The following VMA21 variants were observed in gnomAD, a reference collection of about 807,000 sequenced individuals.
VMA21 encodes vacuolar ATPase assembly factor VMA21.
For synonymous variants in VMA21, 47 were observed against 34.1 expected, an observed-to-expected ratio of 1.38 and a Z score of -1.32; for missense variants, 61 against 80.6, an observed-to-expected ratio of 0.76 and a Z score of 0.93.
chrX:151,398,311 A>T (rs1270847095), intron 1 of VMA21, among the ~76,000 whole-genome samples: 1 of 83,788 alleles, frequency 1.2e-5, no homozygotes, highest in Non-Finnish European at 2.8e-5. Flanking sequence ...TAAGCATAGT[A>T]CCCGATAGGC....
At chrX:151,404,161 C>T (rs886607598) in intron 2 of VMA21, among the ~76,000 whole-genome samples, 14 of 109,530 alleles carry the variant, frequency 1.3e-4, no homozygotes, top group Admixed American at 1.2e-3. Context: ...GCAACCCCCG[C>T]CTCCCATGTT....
rs2011287784 is a variant in VMA21, at chrX:151,405,996, A to T, written c.*938A>T. On this transcript the variant is annotated 3_prime_UTR_variant, in exon 3 of 3. Coordinates refer to ENST00000330374, the MANE Select transcript of VMA21 (RefSeq NM_001017980.4). Reference sequence around the variant, plus strand: ...TCTCCTTGGGCATATCTGATGGAAAAAAACCTTGATTTTATTTTCGTATCT... The same window carrying T: ...TCTCCTTGGGCATATCTGATGGAAATAAACCTTGATTTTATTTTCGTATCT... 1 of 111,625 alleles carries T rather than the reference A, an allele frequency of 9.0e-6. No individual in the cohort carries two copies. Among genetic ancestry groups the T allele is most frequent in the Non-Finnish European group, 1.9e-5 (1 of 53,143 alleles). The allele number at this position is 111,625 out of a possible 1,213,427, so 9.2% of individuals were successfully genotyped here. A position where few individuals can be genotyped will look rare whatever the true frequency, so the allele number is the denominator to read the frequency against.
rs1315895440 is a variant in VMA21 at position 151,405,303 on chromosome X, G to T, written c.*245G>T. The T allele has an allele frequency of 6.1e-6, 2 of 327,925 alleles. No homozygotes were observed. Among genetic ancestry groups the T allele is most frequent in the Non-Finnish European group, 1.1e-5 (2 of 189,847 alleles). The allele number at this position is 327,925 out of a possible 1,213,427, so 27.0% of individuals were successfully genotyped here. ...ACAAAGAAATATGTTAATTTAATTA[G>T]ACAATACTCTGGAAGGAATTTTATC... is the stretch of plus-strand genomic sequence containing the variant. On this transcript the variant is annotated 3_prime_UTR_variant, in exon 3 of 3. Transcript: ENST00000330374.
chrX:151,400,284 A>G (rs1271644195), intron 1 of VMA21, among the ~76,000 whole-genome samples: 1 of 95,568 alleles, frequency 1.0e-5, no homozygotes, highest in African/African-American at 4.0e-5. Flanking sequence ...TTTTTTAAAG[A>G]TTCCACATAT....
rs192225809 is a variant in VMA21, at chrX:151,404,223, G to A, written c.163+483G>A. Among the ~76,000 whole-genome samples the A allele has an allele frequency of 3.4e-3, 371 of 110,656 alleles. 14 individuals carry two copies. In the East Asian group the frequency reaches 0.052, roughly 16 times the overall value. ...TGAGTATCTGGGATTACAGGCACCC[G>A]CCACTACACCCGACTGATTTTTGGT... On this transcript the variant is annotated intron_variant, in intron 2 of 2. Coordinates refer to ENST00000330374, the MANE Select transcript of VMA21 (RefSeq NM_001017980.4).
intron 1 of VMA21, among the ~76,000 whole-genome samples, chrX:151,400,972 C>A (rs1356727744): frequency 8.9e-6 from 1 of 111,993 alleles, no homozygotes; most frequent in Non-Finnish European, 1.9e-5. Context: ...AATATGTTTT[C>A]CTAGTCTGTA....
At chrX:151,403,841 C>T (rs2011258615) in intron 2 of VMA21, 101 bp downstream of exon 2, 1 of 589,381 alleles carries the variant, frequency 1.7e-6, no homozygotes, top group Non-Finnish European at 2.8e-6. Flanking sequence ...TTATTTTTTT[C>T]TTGTTTAGCT....
At chrX:151,398,758 G>A (rs980171042) in intron 1 of VMA21, among the ~76,000 whole-genome samples, 7 of 112,205 alleles carry the variant, frequency 6.2e-5, no homozygotes, top group African/African-American at 2.3e-4. Flanking sequence ...CTACAAAAGG[G>A]AATGTGGTAG....
chrX:151,396,955 G>C, upstream of VMA21: 1 of 524,244 alleles, frequency 1.9e-6, no homozygotes. Context: ...ACCATGTTGC[G>C]CGGCAAGTCC....
At chrX:151,401,958 C>T (rs1316521082) in intron 1 of VMA21, among the ~76,000 whole-genome samples, 2 of 110,301 alleles carry the variant, frequency 1.8e-5, no homozygotes, top group Non-Finnish European at 1.9e-5. Flanking sequence ...GCTGTGTTAC[C>T]TAGGCTTGCG....
chrX:151,399,144 C>CT (rs1289018606), intron 1 of VMA21, among the ~76,000 whole-genome samples: 1 of 111,674 alleles, frequency 9.0e-6, no homozygotes, highest in Non-Finnish European at 1.9e-5. Flanking sequence ...TGCTTAGTCC[C>CT]ATATTAGTGA....
At chrX:151,397,045 G>T (rs778665256), upstream of VMA21, 3 of 497,198 alleles carry the variant, frequency 6.0e-6, no homozygotes, top group South Asian at 5.2e-5. Context: ...CGCACGCCGC[G>T]GAGCCACCGC....
In VMA21 at chrX:151,407,714, C is replaced by T. The variant is rs2011308810; in HGVS notation, c.*2656C>T. On this transcript the variant is annotated 3_prime_UTR_variant, in exon 3 of 3. Transcript: ENST00000330374. ...TTTGTGTTGAGAAATGAAAAGTCTG[C>T]TGTAGAATGTATCTGATGTCATTAG... 1.8e-5 allele frequency: 2 copies of T among 111,465 alleles called. No individual in the cohort carries two copies. The highest frequency in any genetic ancestry group is 6.5e-5 in the African/African-American group (2 of 30,545). The allele number at this position is 111,465 out of a possible 1,213,427, so 9.2% of individuals were successfully genotyped here.
chrX:151,398,712 T>C (rs2011214229), intron 1 of VMA21, among the ~76,000 whole-genome samples: 1 of 112,092 alleles, frequency 8.9e-6, no homozygotes, highest in African/African-American at 3.3e-5. Flanking sequence ...AGTGAAATCT[T>C]GACTGTGGGA....
At chrX:151,401,910 C>T (rs187717992) in intron 1 of VMA21, among the ~76,000 whole-genome samples, 9 of 110,462 alleles carry the variant, frequency 8.1e-5, no homozygotes, top group African/African-American at 2.3e-4. Context: ...CCATGCCCAG[C>T]GAATTATCAA....
chrX:151,404,828 A>T (rs1227363401), intron 2 of VMA21, 88 bp from the exon 3 acceptor site: 5 of 1,067,399 alleles, frequency 4.7e-6, no homozygotes, highest in East Asian at 3.0e-5. Flanking sequence ...AAATAAATAC[A>T]TCATAAAAAT....
chrX:151,405,877 A>G lies in VMA21; in HGVS notation c.*819A>G, dbSNP rs2011286589. The G allele has an allele frequency of 8.9e-6, 1 of 112,066 alleles. No homozygotes were observed. The highest frequency in any genetic ancestry group is 9.4e-5 in the Admixed American group (1 of 10,592). The allele number at this position is 112,066 out of a possible 1,213,427, so 9.2% of individuals were successfully genotyped here. On this transcript the variant is annotated 3_prime_UTR_variant, in exon 3 of 3. Coordinates refer to ENST00000330374, the MANE Select transcript of VMA21 (RefSeq NM_001017980.4). ...TTACTATTTTTTAAAATTGTAGTGT[A>G]TATGATAGGAATTTGCATTTAAATA...
upstream of VMA21, chrX:151,396,733 G>C (rs1250190536): frequency 7.0e-6 from 3 of 429,827 alleles, no homozygotes; most frequent in Non-Finnish European, 1.2e-5. Flanking sequence ...ATTTGCTCAA[G>C]TAGTGGCGAA....
At chrX:151,398,617 T>C (rs2011213427) in intron 1 of VMA21, among the ~76,000 whole-genome samples, 1 of 111,489 alleles carries the variant, frequency 9.0e-6, no homozygotes, top group African/African-American at 3.3e-5. Context: ...TAATTATTCA[T>C]TTATGAGAAT....
Sources: gnomAD v4.1 joint callset for allele counts (sites outside exome capture counted in the v4.1 genomes callset) on GRCh38, gnomAD v4.1.1 for gene constraint, MANE v1.5 for transcripts, NCBI Gene and HGNC (gene_info 2026-07-23, HGNC 2026-07-21) for gene names.